The following TNIP3 variants were observed in gnomAD, a reference collection of about 807,000 sequenced individuals.
TNIP3 encodes the protein TNFAIP3 interacting protein 3.
Under a neutral mutation model 54.1 loss-of-function variants are expected in TNIP3, and 34 were observed. That is an observed-to-expected ratio of 0.63 (90% confidence interval 0.48 to 0.84). The LOEUF (loss-of-function observed/expected upper bound fraction) is 0.84. Among genes scored for constraint, TNIP3 ranks in the 40% least tolerant of loss-of-function variants. TNIP3 has a pLI of 0.00. For synonymous variants in TNIP3, 134 were observed against 136.8 expected (o/e 0.98, Z 0.14); for missense variants, 366 against 387.6 (o/e 0.94, Z 0.47).
chr4:121,210,938 A>C (rs1390273863), intron 2 of TNIP3, among the ~76,000 whole-genome samples: 1 of 152,232 alleles, frequency 6.6e-6, no homozygotes, highest in Non-Finnish European at 1.5e-5. Flanking sequence ...AAATGAAAAC[A>C]AAAAAGAGAA....
At chr4:121,146,984 G>T (rs971811371) in intron 7 of TNIP3, 65 bp downstream of exon 7, 1 of 1,535,466 alleles carries the variant, frequency 6.5e-7, no homozygotes, top group Non-Finnish European at 8.7e-7. Context: ...CAAACGTCTT[G>T]AATTTTTTTA....
At chr4:121,197,362 T>C (rs1356511814) in intron 2 of TNIP3, among the ~76,000 whole-genome samples, 4 of 151,842 alleles carry the variant, frequency 2.6e-5, no homozygotes, top group Admixed American at 1.3e-4. Context: ...ACACCTTCTC[T>C]GCTAAAAATA....
At chr4:121,143,857 A>G (rs1357928444) in intron 7 of TNIP3, among the ~76,000 whole-genome samples, 1 of 152,226 alleles carries the variant, frequency 6.6e-6, no homozygotes, top group Non-Finnish European at 1.5e-5. Flanking sequence ...TATAAGGCAC[A>G]TCACATCCTT....
upstream of TNIP3, among the ~76,000 whole-genome samples, chr4:121,166,147 A>G (rs1169276524): frequency 1.3e-5 from 2 of 152,200 alleles, no homozygotes; most frequent in Non-Finnish European, 2.9e-5. Context: ...TGATGCACAT[A>G]CATTGTTAGG....
intron 2 of TNIP3, among the ~76,000 whole-genome samples, chr4:121,200,904 C>T (rs921513189): frequency 5.3e-5 from 8 of 151,974 alleles, no homozygotes; most frequent in Non-Finnish European, 1.0e-4. Flanking sequence ...GAAATAAACC[C>T]GGAGGGAAGT....
At chr4:121,157,337 C>T in intron 3 of TNIP3, 94 bp from the exon 4 acceptor site, 1 of 1,531,500 alleles carries the variant, frequency 6.5e-7, no homozygotes, top group Non-Finnish European at 9.0e-7. Flanking sequence ...GGCAGAAACG[C>T]CCCACCCCAG....
chr4:121,186,476 T>C (rs918211683), intron 2 of TNIP3, among the ~76,000 whole-genome samples: 11 of 152,138 alleles, frequency 7.2e-5, no homozygotes, highest in African/African-American at 2.7e-4. Context: ...GAAAGAAGCA[T>C]TGTGATGCAG....
At chr4:121,208,583 G>T (rs1211623399) in intron 2 of TNIP3, among the ~76,000 whole-genome samples, 1 of 152,106 alleles carries the variant, frequency 6.6e-6, no homozygotes, top group Non-Finnish European at 1.5e-5. Flanking sequence ...AATAAAACTG[G>T]TCTCTCATTC....
chr4:121,171,897 A>T (rs1206073261), intron 3 of TNIP3, among the ~76,000 whole-genome samples: 7 of 151,160 alleles, frequency 4.6e-5, no homozygotes, highest in East Asian at 1.9e-4. Flanking sequence ...CGCCTGGCTA[A>T]TTTTTTTGTA....
At chr4:121,204,752 G>T (rs1208488435) in intron 2 of TNIP3, among the ~76,000 whole-genome samples, 2 of 152,098 alleles carry the variant, frequency 1.3e-5, no homozygotes, top group Non-Finnish European at 2.9e-5. Flanking sequence ...CAAGGGTATG[G>T]ACATTAAAAC....
intron 1 of TNIP3, chr4:121,227,325 C>T (rs1727298971): frequency 1.3e-6 from 2 of 1,494,804 alleles, no homozygotes; most frequent in Non-Finnish European, 1.8e-6. Flanking sequence ...AATTAAGTTA[C>T]AACCAACCCT....
Position 121,131,439 on chromosome 4 carries a change from C to A in TNIP3, c.*1192G>T, listed in dbSNP as rs1361653791. The A allele has an allele frequency of 1.3e-5, 2 of 151,274 alleles. No individual in the cohort carries two copies. The highest frequency in any genetic ancestry group is 2.9e-5 in the Non-Finnish European group (2 of 67,882). The allele number at this position is 151,274 out of a possible 1,614,324, so 9.4% of individuals were successfully genotyped here. ...TAAATTCCATTTTCATTTTAATTGG[C>A]TTGAGAAGTCAGAATTAAGTTTTTC... On this transcript the variant is annotated 3_prime_UTR_variant, in exon 11 of 11. Coordinates refer to ENST00000057513, the MANE Select transcript of TNIP3 (RefSeq NM_024873.6).
At chr4:121,164,712 T>A (rs1333720735), upstream of TNIP3, among the ~76,000 whole-genome samples, 1 of 152,208 alleles carries the variant, frequency 6.6e-6, no homozygotes, top group East Asian at 1.9e-4. Context: ...ATAATATAAG[T>A]GCCACTAATT....
chr4:121,155,905 C>T (rs1252711394), intron 4 of TNIP3, among the ~76,000 whole-genome samples: 1 of 152,026 alleles, frequency 6.6e-6, no homozygotes, highest in East Asian at 1.9e-4. Context: ...TTTCTATTTG[C>T]TTTTATTTAA....
chr4:121,183,282 C>T (rs1724820338), intron 2 of TNIP3, among the ~76,000 whole-genome samples: 1 of 152,196 alleles, frequency 6.6e-6, no homozygotes, highest in African/African-American at 2.4e-5. Context: ...ACCATTTTTG[C>T]TGTATGTCTT....
chr4:121,170,983 T>A (rs1046485273), intron 3 of TNIP3, among the ~76,000 whole-genome samples: 1 of 152,110 alleles, frequency 6.6e-6, no homozygotes. Context: ...GCCCTGCTAA[T>A]TTTTGTACTT....
At position 121,150,181 on chromosome 4, in the gene TNIP3, G is replaced by C; in HGVS notation, c.531C>G (p.Ser177=). The C allele has an allele frequency of 6.2e-7, 1 of 1,613,456 alleles. No individual in the cohort carries two copies. Among genetic ancestry groups the C allele is most frequent in the Non-Finnish European group, 8.5e-7 (1 of 1,179,700 alleles). ...CTCGAGACTTCCTCAAACAGTCCTC[G>C]GAAAATGAACACTTGATATTCAAGG... The part of the protein sequence containing the change: ...QDALNIKCSF[S]EDCLRKSRVE... Residue 177 remains serine, a synonymous_variant, in exon 6 of 11, where the codon TCC becomes TCG. Coordinates refer to ENST00000057513, the MANE Select transcript of TNIP3 (RefSeq NM_024873.6).
intron 2 of TNIP3, among the ~76,000 whole-genome samples, chr4:121,189,245 C>G (rs1030178998): frequency 2.6e-5 from 4 of 152,180 alleles, no homozygotes; most frequent in Non-Finnish European, 5.9e-5. Context: ...TCTTCCCAGT[C>G]CATTGCCAAG....
chr4:121,210,867 G>A (rs1342833104), intron 2 of TNIP3, among the ~76,000 whole-genome samples: 1 of 152,136 alleles, frequency 6.6e-6, no homozygotes, highest in East Asian at 1.9e-4. Flanking sequence ...TACGAATTTA[G>A]GGGGACACAA....
Sources: gnomAD v4.1 joint callset for allele counts (sites outside exome capture counted in the v4.1 genomes callset) on GRCh38, gnomAD v4.1.1 for gene constraint, MANE v1.5 for transcripts, NCBI Gene and HGNC (gene_info 2026-07-23, HGNC 2026-07-21) for gene names.